The following TCF12 variants were observed in gnomAD, a reference collection of about 807,000 sequenced individuals.
TCF12 encodes DNA-binding protein HTF4.
Under a neutral mutation model 86.0 loss-of-function variants are expected in TCF12, and 45 were observed. That is an observed-to-expected ratio of 0.52 (90% CI 0.41 to 0.67). TCF12 has a LOEUF of 0.67. TCF12 is among the 30% of genes least tolerant of loss of function. TCF12 has a pLI of 0.00. For missense variants in TCF12, 881 were observed against 859.9 expected (o/e 1.02, Z -0.31); for synonymous variants, 330 against 299.6 (o/e 1.10, Z -1.05).
intron 18 of TCF12, 61 bp from the exon 19 acceptor site, chr15:57,272,969 C>A: frequency 6.8e-7 from 1 of 1,466,400 alleles, no homozygotes; most frequent in Non-Finnish European, 9.4e-7. Flanking sequence ...TAATTGTGCA[C>A]AATCAGCATA....
chr15:57,266,381 G>A (rs1008207148), intron 18 of TCF12, among the ~76,000 whole-genome samples: 3 of 152,024 alleles, frequency 2.0e-5, no homozygotes, highest in Admixed American at 6.5e-5. Flanking sequence ...CCTGGCTGCT[G>A]CCTATTTTTA....
intron 3 of TCF12, among the ~76,000 whole-genome samples, chr15:56,948,503 TG>T (rs1340478605): frequency 2.0e-5 from 3 of 152,210 alleles, no homozygotes; most frequent in African/African-American, 7.2e-5. Flanking sequence ...GGGAAATCTT[TG>T]TATAAAACAG....
At chr15:57,078,874 A>T (rs1474422000) in intron 4 of TCF12, among the ~76,000 whole-genome samples, 1 of 152,212 alleles carries the variant, frequency 6.6e-6, no homozygotes, top group Non-Finnish European at 1.5e-5. Flanking sequence ...TTGATCACAT[A>T]GATAACTCAG....
chr15:57,023,082 T>A (rs16977199), intron 3 of TCF12, among the ~76,000 whole-genome samples: 6,450 of 152,238 alleles, frequency 0.042, 373 homozygotes, highest in African/African-American at 0.14. Context: ...TCAGGAATTT[T>A]AAATTTTTGT....
At chr15:56,982,433 G>A (rs1267923165) in intron 3 of TCF12, among the ~76,000 whole-genome samples, 1 of 152,124 alleles carries the variant, frequency 6.6e-6, no homozygotes, top group Non-Finnish European at 1.5e-5. Flanking sequence ...ATGTAATACA[G>A]ATTTGCAGAA....
chr15:57,044,974 CATA>C (rs2067135558), intron 3 of TCF12, among the ~76,000 whole-genome samples: 2 of 152,116 alleles, frequency 1.3e-5, no homozygotes. Context: ...CATCCAGAAT[CATA>C]GTAGATTTTC....
chr15:57,179,407 G>A (rs895432370), intron 6 of TCF12, among the ~76,000 whole-genome samples: 1 of 152,184 alleles, frequency 6.6e-6, no homozygotes, highest in Non-Finnish European at 1.5e-5. Flanking sequence ...AGAATTGCTT[G>A]AACCCAGGAG....
At chr15:57,224,956 G>T (rs1260304700) in intron 8 of TCF12, among the ~76,000 whole-genome samples, 1 of 152,046 alleles carries the variant, frequency 6.6e-6, no homozygotes, top group Non-Finnish European at 1.5e-5. Flanking sequence ...TAGCAGATTG[G>T]AGTTTATGGC....
At chr15:57,167,749 C>T (rs2055008822) in intron 6 of TCF12, among the ~76,000 whole-genome samples, 1 of 152,012 alleles carries the variant, frequency 6.6e-6, no homozygotes. Flanking sequence ...GTTACTGGAC[C>T]AACACTCAGA....
At chr15:57,138,967 T>A (rs1230986054) in intron 5 of TCF12, among the ~76,000 whole-genome samples, 2 of 152,194 alleles carry the variant, frequency 1.3e-5, no homozygotes, top group Non-Finnish European at 2.9e-5. Context: ...GTAGCTGAGA[T>A]CATTTACCTA....
intron 3 of TCF12, among the ~76,000 whole-genome samples, chr15:56,928,947 G>A (rs557978152): frequency 6.6e-6 from 1 of 152,170 alleles, no homozygotes; most frequent in Non-Finnish European, 1.5e-5. Flanking sequence ...AGAGAAGAAG[G>A]AACATAAACT....
At chr15:57,118,915 T>C (rs959427610) in intron 5 of TCF12, among the ~76,000 whole-genome samples, 2 of 152,190 alleles carry the variant, frequency 1.3e-5, no homozygotes, top group African/African-American at 4.8e-5. Flanking sequence ...AAAAAGAAAG[T>C]GTTCAGATTT....
At chr15:57,212,090 C>G (rs2058135169) in intron 8 of TCF12, among the ~76,000 whole-genome samples, 2 of 152,050 alleles carry the variant, frequency 1.3e-5, no homozygotes, top group South Asian at 4.1e-4. Flanking sequence ...CAACAAGATT[C>G]AAAATACATC....
At chr15:57,224,622 G>T (rs188517433) in intron 8 of TCF12, among the ~76,000 whole-genome samples, 4 of 152,216 alleles carry the variant, frequency 2.6e-5, no homozygotes. Context: ...ACTGTTGTTA[G>T]AAAAGAAATT....
chr15:57,175,825 G>C (rs2055868940), intron 6 of TCF12, among the ~76,000 whole-genome samples: 1 of 152,100 alleles, frequency 6.6e-6, no homozygotes, highest in Non-Finnish European at 1.5e-5. Flanking sequence ...TAACTTTGAA[G>C]GTTAAAAAGT....
At chr15:57,102,418 C>G (rs2733307) in intron 5 of TCF12, among the ~76,000 whole-genome samples, 77,009 of 151,708 alleles carry the variant, frequency 0.51, 20,411 homozygotes, top group Admixed American at 0.58. Context: ...GCCAACATGG[C>G]AAAGCCCCGT....
chr15:57,223,323 T>A (rs531201755), intron 8 of TCF12, among the ~76,000 whole-genome samples: 1 of 152,158 alleles, frequency 6.6e-6, no homozygotes, highest in South Asian at 2.1e-4. Flanking sequence ...TTATCCTGAC[T>A]ACCCATTTAC....
intron 3 of TCF12, among the ~76,000 whole-genome samples, chr15:57,017,382 A>G (rs1044495856): frequency 2.0e-5 from 3 of 152,258 alleles, no homozygotes; most frequent in Admixed American, 1.3e-4. Context: ...TATTTCTTGT[A>G]AATGAAGATT....
chr15:57,169,526 G>A (rs1179578032), intron 6 of TCF12, among the ~76,000 whole-genome samples: 1 of 152,110 alleles, frequency 6.6e-6, no homozygotes, highest in African/African-American at 2.4e-5. Context: ...AGGTTAAACT[G>A]TATGGGCTTA....
Sources: allele counts gnomAD v4.1 joint callset (sites outside exome capture counted in the v4.1 genomes callset), GRCh38; gene constraint gnomAD v4.1.1; transcripts MANE v1.5; gene names NCBI Gene and HGNC (gene_info 2026-07-23, HGNC 2026-07-21).